Variants in SULF1 observed in about 807,000 individuals in gnomAD.
SULF1 encodes sulfatase 1.
A neutral mutation model predicts 110.5 loss-of-function variants in SULF1; 46 were observed. The ratio of observed to expected loss-of-function variants is 0.42; its 90% CI spans 0.33 to 0.53. The LOEUF is 0.53. SULF1 is among the 20% of genes least tolerant of loss of function. SULF1 has a pLI of 0.12. For missense variants in SULF1, 941 were observed against 1,094.2 expected (o/e 0.86, Z 1.98); for synonymous variants, 371 against 387.1 (o/e 0.96, Z 0.49).
intron 3 of SULF1, among the ~76,000 whole-genome samples, chr8:69,532,965 G>C (rs1213199859): frequency 2.6e-5 from 4 of 152,140 alleles, no homozygotes; most frequent in African/African-American, 9.7e-5. Flanking sequence ...ATAAGATTTA[G>C]ATGTACAAAT....
intron 3 of SULF1, among the ~76,000 whole-genome samples, chr8:69,520,187 G>A (rs1169853476): frequency 6.6e-6 from 1 of 151,380 alleles, no homozygotes; most frequent in African/African-American, 2.4e-5. Context: ...GGTCAACACA[G>A]GGTTCACACA....
chr8:69,536,090 A>T (rs1180875313), intron 3 of SULF1, among the ~76,000 whole-genome samples: 2 of 151,990 alleles, frequency 1.3e-5, no homozygotes, highest in Non-Finnish European at 2.9e-5. Flanking sequence ...AATGTCACTT[A>T]GATAGTAGAA....
intron 3 of SULF1, among the ~76,000 whole-genome samples, chr8:69,514,226 C>T (rs368295371): frequency 1.4e-4 from 22 of 152,250 alleles, no homozygotes; most frequent in South Asian, 8.3e-4. Flanking sequence ...TTTAATTGAC[C>T]GACAGTTCTG....
At chr8:69,624,336 TG>T (rs1563600643) in intron 15 of SULF1, 139 bp downstream of exon 15, 1 of 1,155,770 alleles carries the variant, frequency 8.7e-7, no homozygotes, top group Non-Finnish European at 1.2e-6. Context: ...ATGTAGCAAC[TG>T]GGGGTTAAAG....
chr8:69,574,870 A>T (rs1194128317), intron 5 of SULF1, among the ~76,000 whole-genome samples: 1 of 152,210 alleles, frequency 6.6e-6, no homozygotes, highest in African/African-American at 2.4e-5. Context: ...GCGTCATGTG[A>T]ACGGTAAAAG....
intron 22 of SULF1, among the ~76,000 whole-genome samples, chr8:69,643,886 A>G (rs1158993658): frequency 6.6e-6 from 1 of 152,212 alleles, no homozygotes; most frequent in African/African-American, 2.4e-5. Flanking sequence ...AAAATAGAGA[A>G]AAATCAACAG....
intron 1 of SULF1, among the ~76,000 whole-genome samples, chr8:69,477,866 G>GTT (rs150378001): frequency 6.6e-6 from 1 of 150,552 alleles, no homozygotes; most frequent in Admixed American, 6.6e-5. Context: ...ATTCTCCTTT[G>GTT]TTTTTTTTTG....
chr8:69,554,209 A>T (rs551035614), intron 3 of SULF1, among the ~76,000 whole-genome samples: 8 of 152,294 alleles, frequency 5.3e-5, no homozygotes, highest in South Asian at 4.1e-4. Context: ...GTGAGAAAAT[A>T]AATTCTGGAA....
chr8:69,607,954 C>T (rs1188868152), intron 13 of SULF1, among the ~76,000 whole-genome samples: 1 of 152,146 alleles, frequency 6.6e-6, no homozygotes, highest in East Asian at 1.9e-4. Flanking sequence ...GGTTTTGACA[C>T]TCCATGGGGA....
At chr8:69,619,432 T>C (rs1809429004) in intron 13 of SULF1, among the ~76,000 whole-genome samples, 1 of 152,198 alleles carries the variant, frequency 6.6e-6, no homozygotes, top group South Asian at 2.1e-4. Context: ...TTAAGTAAGA[T>C]GTGGAGGATC....
chr8:69,537,897 AAAAAT>A (rs1447412713), intron 3 of SULF1, among the ~76,000 whole-genome samples: 1 of 144,616 alleles, frequency 6.9e-6, no homozygotes, highest in Non-Finnish European at 1.5e-5. Flanking sequence ...GAGAAAACAG[AAAAAT>A]AAAAATAGAA....
At chr8:69,499,966 G>T (rs1810678862) in intron 2 of SULF1, among the ~76,000 whole-genome samples, 1 of 151,958 alleles carries the variant, frequency 6.6e-6, no homozygotes, top group Non-Finnish European at 1.5e-5. Flanking sequence ...TGCCCAGGCT[G>T]GTCTTGAACT....
chr8:69,595,533 AGTGAAAAC>A (rs1807238771), intron 8 of SULF1, among the ~76,000 whole-genome samples: 1 of 152,216 alleles, frequency 6.6e-6, no homozygotes, highest in East Asian at 1.9e-4. Context: ...GTTCAGTTTT[AGTGAAAAC>A]TGAGATGGTG....
intron 3 of SULF1, among the ~76,000 whole-genome samples, chr8:69,554,984 AAAAAAAAAAAAAAAC>A (rs1243671746): frequency 5.8e-5 from 6 of 103,120 alleles, no homozygotes; most frequent in African/African-American, 1.4e-4. Flanking sequence ...ATCTCAAAAA[AAAAAAAAAAAAAAAC>A]AAAAAAAAAA....
chr8:69,484,887 G>C (rs566339322), intron 1 of SULF1, among the ~76,000 whole-genome samples: 1 of 139,720 alleles, frequency 7.2e-6, no homozygotes, highest in Non-Finnish European at 1.5e-5. Flanking sequence ...CCTCCTCTTC[G>C]AGACAGGAGT....
chr8:69,625,845 C>T (rs985024614), intron 15 of SULF1: 17 of 152,376 alleles, frequency 1.1e-4, no homozygotes, highest in African/African-American at 4.1e-4. Context: ...TTATCTGGCC[C>T]CACCCACATC....
intron 22 of SULF1, among the ~76,000 whole-genome samples, chr8:69,657,594 G>C (rs1478291621): frequency 6.6e-6 from 1 of 152,162 alleles, no homozygotes; most frequent in African/African-American, 2.4e-5. Context: ...ATTCAGCTCT[G>C]CTGGGATTTG....
At chr8:69,478,332 C>T (rs1189423509) in intron 1 of SULF1, among the ~76,000 whole-genome samples, 3 of 152,154 alleles carry the variant, frequency 2.0e-5, no homozygotes, top group Non-Finnish European at 4.4e-5. Flanking sequence ...TCATATCACT[C>T]CACTACTCTA....
At chr8:69,620,026 G>A (rs745476508) in intron 13 of SULF1, among the ~76,000 whole-genome samples, 1 of 152,128 alleles carries the variant, frequency 6.6e-6, no homozygotes, top group Non-Finnish European at 1.5e-5. Context: ...GGTCACACAC[G>A]GGCTTGAAGG....
Sources: allele counts gnomAD v4.1 joint callset (sites outside exome capture counted in the v4.1 genomes callset), GRCh38; gene constraint gnomAD v4.1.1; transcripts MANE v1.5; gene names NCBI Gene and HGNC (gene_info 2026-07-23, HGNC 2026-07-21).